Variants in ADGRL2 observed in about 807,000 individuals in gnomAD.
ADGRL2 encodes calcium-independent alpha-latrotoxin receptor 2.
In ADGRL2, 44 loss-of-function variants were observed where a neutral mutation model predicts 157.4. That is an observed-to-expected ratio of 0.28 (90% CI 0.22 to 0.36). The LOEUF (loss-of-function observed/expected upper bound fraction) is 0.36, where lower values mean the gene tolerates loss of function less well. ADGRL2 is among the 10% of genes least tolerant of loss of function. The pLI is 1.00. For missense variants in ADGRL2, 1,510 were observed against 1,768.9 expected, an observed-to-expected ratio of 0.85 and a Z score of 2.63; for synonymous variants, 585 against 624.7, an observed-to-expected ratio of 0.94 and a Z score of 0.95.
intron 3 of ADGRL2, among the ~76,000 whole-genome samples, chr1:81,909,466 T>A (rs1352443616): frequency 6.6e-6 from 1 of 152,194 alleles, no homozygotes. Context: ...CTTGTATCCT[T>A]CAACGAATTA....
chr1:81,785,205 A>G (rs537448851), intron 2 of ADGRL2, among the ~76,000 whole-genome samples: 1 of 152,268 alleles, frequency 6.6e-6, no homozygotes, highest in Non-Finnish European at 1.5e-5. Context: ...TTGCATAGAT[A>G]ATTATTTAAT....
At chr1:81,582,741 T>A (rs1483942808) in intron 3 of ADGRL2, among the ~76,000 whole-genome samples, 3 of 152,134 alleles carry the variant, frequency 2.0e-5, no homozygotes, top group African/African-American at 7.2e-5. Context: ...CTTCGTAAAA[T>A]TCAGATTGCA....
At chr1:81,942,109 C>T in intron 5 of ADGRL2, 64 bp downstream of exon 5, 1 of 658,082 alleles carries the variant, frequency 1.5e-6, no homozygotes, top group Non-Finnish European at 2.8e-6. Context: ...TAACCTCCTC[C>T]CTCCCCTCTC....
At chr1:81,424,506 C>T (rs1178389794) in intron 1 of ADGRL2, among the ~76,000 whole-genome samples, 1 of 152,220 alleles carries the variant, frequency 6.6e-6, no homozygotes, top group East Asian at 1.9e-4. Context: ...TGCGTGAATA[C>T]TTAAGAGCAT....
chr1:81,968,913 C>T (rs1657918107), intron 14 of ADGRL2, among the ~76,000 whole-genome samples: 1 of 152,182 alleles, frequency 6.6e-6, no homozygotes, highest in Admixed American at 6.5e-5. Flanking sequence ...TTCAGTCATA[C>T]TTTGAAATCA....
chr1:81,736,844 C>CT (rs1055440765), intron 1 of ADGRL2, among the ~76,000 whole-genome samples: 8 of 151,806 alleles, frequency 5.3e-5, no homozygotes, highest in East Asian at 1.9e-4. Context: ...CTCCCTCACT[C>CT]TTTTTTTTGA....
chr1:81,421,101 A>G (rs988945762), intron 1 of ADGRL2, among the ~76,000 whole-genome samples: 2 of 152,192 alleles, frequency 1.3e-5, no homozygotes, highest in African/African-American at 4.8e-5. Flanking sequence ...AAAGCTCAAC[A>G]TTGCATTTAA....
intron 1 of ADGRL2, among the ~76,000 whole-genome samples, chr1:81,822,547 C>T (rs777655489): frequency 5.3e-5 from 8 of 151,756 alleles, no homozygotes; most frequent in Admixed American, 1.3e-4. Flanking sequence ...AGGTCTTGCT[C>T]GGTCATCTAG....
intron 17 of ADGRL2, among the ~76,000 whole-genome samples, chr1:81,974,777 T>A (rs985504933): frequency 6.6e-6 from 1 of 152,132 alleles, no homozygotes; most frequent in African/African-American, 2.4e-5. Context: ...GGTACCTTTT[T>A]CTTTCTTAAA....
intron 2 of ADGRL2, among the ~76,000 whole-genome samples, chr1:81,895,358 A>G (rs1016150653): frequency 2.0e-5 from 3 of 148,942 alleles, no homozygotes; most frequent in Non-Finnish European, 3.0e-5. Flanking sequence ...ATTCATCTAC[A>G]TTGTGGTCAC....
At chr1:81,429,415 G>C (rs895492935) in intron 1 of ADGRL2, among the ~76,000 whole-genome samples, 6 of 152,182 alleles carry the variant, frequency 3.9e-5, no homozygotes, top group Non-Finnish European at 8.8e-5. Context: ...TTGAGCGAGG[G>C]AGGAGGAGGG....
intron 2 of ADGRL2, among the ~76,000 whole-genome samples, chr1:81,788,908 A>G (rs709689): frequency 1 from 152,209 of 152,238 alleles, 76,090 homozygotes; most frequent in Non-Finnish European, 1. Flanking sequence ...AGTAGAGACG[A>G]GGTTTCACTG....
intron 1 of ADGRL2, among the ~76,000 whole-genome samples, chr1:81,753,902 C>A (rs577418806): frequency 6.6e-6 from 1 of 152,104 alleles, no homozygotes; most frequent in Non-Finnish European, 1.5e-5. Flanking sequence ...TTAAAGGAGA[C>A]CATCTTTTGA....
chr1:81,636,554 C>G (rs1417198285), intron 3 of ADGRL2, among the ~76,000 whole-genome samples: 2 of 151,804 alleles, frequency 1.3e-5, no homozygotes, highest in Non-Finnish European at 1.5e-5. Flanking sequence ...ACAAACTGTC[C>G]CTATTTTTTT....
At chr1:81,860,484 T>C (rs2093355105) in intron 2 of ADGRL2, among the ~76,000 whole-genome samples, 1 of 152,142 alleles carries the variant, frequency 6.6e-6, no homozygotes, top group African/African-American at 2.4e-5. Flanking sequence ...GCCTCAGGTC[T>C]TTTTAAGTGT....
In ADGRL2 at chr1:81,352,521, T is replaced by C. The variant is rs112349811; in HGVS notation, c.-302+46012T>C. Among the ~76,000 whole-genome samples the C allele has an allele frequency of 1.4e-3, 209 of 152,242 alleles. 1 individual carries two copies. The highest frequency in any genetic ancestry group is 0.01 in the Middle Eastern group (3 of 294). ...TTCTGGGGGTTCTGGAGGATACTAG[T>C]TTAGGTAAGCAAGATAATCTTGGAA... On this transcript the variant is annotated intron_variant, in intron 1 of 24. Transcript: ENST00000370721.
intron 1 of ADGRL2, among the ~76,000 whole-genome samples, chr1:81,736,480 A>T (rs2084906608): frequency 6.6e-6 from 1 of 151,924 alleles, no homozygotes; most frequent in African/African-American, 2.4e-5. Flanking sequence ...GGGTTATTGG[A>T]TTATTTATTT....
At chr1:81,897,223 C>T (rs80272943) in intron 2 of ADGRL2, among the ~76,000 whole-genome samples, 2,015 of 151,690 alleles carry the variant, frequency 0.013, 43 homozygotes, top group African/African-American at 0.046. Context: ...ACATCCTGTG[C>T]GGAGGAGATA....
chr1:81,805,475 T>A (rs1443595937), intron 1 of ADGRL2, among the ~76,000 whole-genome samples: 2 of 152,044 alleles, frequency 1.3e-5, no homozygotes, highest in African/African-American at 2.4e-5. Flanking sequence ...CATTTACTAA[T>A]GTTCAAACTC....
Sources: gnomAD v4.1 joint callset for allele counts (sites outside exome capture counted in the v4.1 genomes callset) on GRCh38, gnomAD v4.1.1 for gene constraint, MANE v1.5 for transcripts, NCBI Gene and HGNC (gene_info 2026-07-23, HGNC 2026-07-21) for gene names.